UBOX5: variants seen among roughly 807,000 people sequenced by gnomAD.
UBOX5 encodes the protein RING finger protein 37.
A neutral mutation model predicts 39.0 loss-of-function variants in UBOX5; 28 were observed. The ratio of observed to expected loss-of-function variants is 0.72; its 90% confidence interval spans 0.53 to 0.98. The LOEUF (loss-of-function observed/expected upper bound fraction) is 0.98, where lower values mean the gene tolerates loss of function less well. Ranked by LOEUF, UBOX5 falls within the 50% of genes least tolerant of loss-of-function variation. The pLI is 0.00. For synonymous variants in UBOX5, 283 were observed against 275.5 expected (o/e 1.03, Z -0.27); for missense variants, 585 against 674.4 (o/e 0.87, Z 1.47).
Position 3,117,287 on chromosome 20 carries a change from G to GCACACA in UBOX5, c.1256-1827_1256-1822dup, listed in dbSNP as rs11468015. ...CATCAATGACACCTGACCAAAGATG[G>GCACACA]CACACACACACACACACACACACAC... On this transcript the variant is annotated intron_variant, in intron 3 of 4. Transcript: ENST00000217173. Among the ~76,000 whole-genome samples the GCACACA allele has an allele frequency of 1.5e-3, 223 of 147,514 alleles. 1 individual carries two copies. The highest frequency in any genetic ancestry group is 4.9e-3 in the African/African-American group (195 of 39,640).
intron 1 of UBOX5, 60 bp from the exon 2 acceptor site, chr20:3,123,466 A>C (rs962138984): frequency 7.9e-6 from 10 of 1,267,214 alleles, no homozygotes; most frequent in Non-Finnish European, 1.1e-5. Context: ...AAACTTTCAG[A>C]AGTTGATTCT....
chr20:3,139,427 T>C (rs1443671877), intron 1 of UBOX5, among the ~76,000 whole-genome samples: 1 of 152,182 alleles, frequency 6.6e-6, no homozygotes, highest in Non-Finnish European at 1.5e-5. Context: ...TTTGCTCTTG[T>C]TGCCCAGGCT....
intron 1 of UBOX5, chr20:3,151,651 AAAAT>A (rs1259618854): frequency 6.6e-6 from 1 of 151,760 alleles, no homozygotes; most frequent in Non-Finnish European, 1.5e-5. Context: ...ATAAATTAAA[AAAAT>A]AAAAAATTTT....
At chr20:3,152,145 A>G (rs1398572563) in intron 1 of UBOX5, among the ~76,000 whole-genome samples, 1 of 150,164 alleles carries the variant, frequency 6.7e-6, no homozygotes, top group East Asian at 2.0e-4. Flanking sequence ...CAGAGATAGC[A>G]GGTAACAGAA....
At chr20:3,124,468 C>T (rs1031710366) in intron 1 of UBOX5, among the ~76,000 whole-genome samples, 35 of 152,182 alleles carry the variant, frequency 2.3e-4, no homozygotes, top group Non-Finnish European at 3.4e-4. Context: ...GATCTCGGCT[C>T]GCTACAACCT....
chr20:3,149,457 C>A lies in UBOX5; in HGVS notation c.-42+10309G>T, dbSNP rs2066602813. Among the ~76,000 whole-genome samples, 1 of 152,106 alleles carries A rather than the reference C, an allele frequency of 6.6e-6. No individual in the cohort carries two copies. On this transcript the variant is annotated intron_variant, in intron 1 of 4. Coordinates refer to ENST00000217173, the MANE Select transcript of UBOX5 (RefSeq NM_014948.4). The surrounding 1 kb of genome is among the most constrained non-coding windows in gnomAD (Gnocchi z 4.1). ...GTAAAGGCCTAGGAAAACCCCCAAC[C>A]CAGGGTACCCGTGGGCAGTTCCTGG...
intron 3 of UBOX5, among the ~76,000 whole-genome samples, chr20:3,119,974 G>A (rs2066321456): frequency 6.6e-6 from 1 of 152,086 alleles, no homozygotes; most frequent in African/African-American, 2.4e-5. Flanking sequence ...GCTCACCTCA[G>A]GAGAGAGCAG....
At chr20:3,130,331 GC>G (rs1470633315) in intron 1 of UBOX5, among the ~76,000 whole-genome samples, 2 of 109,080 alleles carry the variant, frequency 1.8e-5, no homozygotes, top group Admixed American at 1.1e-4. Flanking sequence ...GGTTGTTTAT[GC>G]CTTTTTTTTT....
intron 1 of UBOX5, among the ~76,000 whole-genome samples, chr20:3,155,357 A>C (rs370526598): frequency 1.3e-5 from 2 of 152,100 alleles, no homozygotes; most frequent in African/African-American, 4.8e-5. Flanking sequence ...TGGCGAAACC[A>C]CGTCTCTCCT....
At chr20:3,113,415 C>T (rs1157195043) in intron 4 of UBOX5, among the ~76,000 whole-genome samples, 1 of 151,844 alleles carries the variant, frequency 6.6e-6, no homozygotes. Context: ...GAGGTTTTAT[C>T]CTAAGTTCAG....
In UBOX5 at chr20:3,149,012, G is replaced by A. The variant is rs1234915501; in HGVS notation, c.-42+10754C>T. Reference sequence around the variant, plus strand: ...CACACTTCGGACTGCACCAAAGGCAGAAGGACTGCAAAATGCTCGGTATCT... The same window carrying A: ...CACACTTCGGACTGCACCAAAGGCAAAAGGACTGCAAAATGCTCGGTATCT... On this transcript the variant is annotated intron_variant, in intron 1 of 4. Transcript: ENST00000217173. The surrounding 1 kb of genome is among the most constrained non-coding windows in gnomAD (Gnocchi z 4.1). 6.2e-7 allele frequency: 1 copy of A among 1,613,948 alleles called. No individual in the cohort carries two copies. Among genetic ancestry groups the A allele is most frequent in the Admixed American group, 1.7e-5 (1 of 59,956 alleles).
At chr20:3,147,504 T>C in intron 1 of UBOX5, 1 of 1,614,242 alleles carries the variant, frequency 6.2e-7, no homozygotes, top group Non-Finnish European at 8.5e-7. Context: ...GGACACTCAA[T>C]GCCAACTGTA....
Position 3,149,811 on chromosome 20 carries a change from A to G in UBOX5, c.-42+9955T>C, listed in dbSNP as rs1451996341. ...GGCAGGCAGATCACTTGAGGTCAGG[A>G]GTTCAAGACCAGCCTGGCCAACAAG... On this transcript the variant is annotated intron_variant, in intron 1 of 4. Coordinates refer to ENST00000217173, the MANE Select transcript of UBOX5 (RefSeq NM_014948.4). The surrounding 1 kb of genome is among the most constrained non-coding windows in gnomAD (Gnocchi z 4.1). Among the ~76,000 whole-genome samples, 1 of 152,150 alleles carries G rather than the reference A, an allele frequency of 6.6e-6. No homozygotes were observed. Among genetic ancestry groups the G allele is most frequent in the East Asian group, 1.9e-4 (1 of 5,192 alleles).
Position 3,141,107 on chromosome 20 carries a change from C to T in UBOX5, c.-41-17701G>A, listed in dbSNP as rs552132214. On this transcript the variant is annotated intron_variant, in intron 1 of 4. Coordinates refer to ENST00000217173, the MANE Select transcript of UBOX5 (RefSeq NM_014948.4). Reference sequence around the variant, plus strand: ...CTAATTTCTGTATTTTCAGTAGAGACGGGGTTTCAACATGTTGGACAGGCT... The same window carrying T: ...CTAATTTCTGTATTTTCAGTAGAGATGGGGTTTCAACATGTTGGACAGGCT... Among the ~76,000 whole-genome samples, 45 of 151,264 alleles carry T rather than the reference C, an allele frequency of 3.0e-4. No individual in the cohort carries two copies. The South Asian group carries it at 8.6e-3, about 29-fold the overall frequency.
At chr20:3,139,716 TTTTTA>T (rs1316763966) in intron 1 of UBOX5, among the ~76,000 whole-genome samples, 6 of 151,594 alleles carry the variant, frequency 4.0e-5, no homozygotes, top group Non-Finnish European at 8.8e-5. Context: ...ACCCAACCTA[TTTTTA>T]TTTTTTGAGA....
intron 1 of UBOX5, among the ~76,000 whole-genome samples, chr20:3,137,516 A>C (rs1321456889): frequency 6.6e-6 from 1 of 151,340 alleles, no homozygotes; most frequent in Non-Finnish European, 1.5e-5. Flanking sequence ...TGATCCACCC[A>C]CCTCAGCCTC....
chr20:3,123,057 A>C (rs1328772761), intron 2 of UBOX5, among the ~76,000 whole-genome samples: 1 of 152,168 alleles, frequency 6.6e-6, no homozygotes, highest in Non-Finnish European at 1.5e-5. Context: ...GAGACTGGAG[A>C]TTGATCATCA....
intron 3 of UBOX5, among the ~76,000 whole-genome samples, chr20:3,121,104 T>G (rs2066331604): frequency 6.6e-6 from 1 of 152,112 alleles, no homozygotes; most frequent in African/African-American, 2.4e-5. Context: ...AAGGCAACAG[T>G]GCCCATGGGA....
At chr20:3,151,557 G>A (rs2066625197) in intron 1 of UBOX5, among the ~76,000 whole-genome samples, 1 of 151,850 alleles carries the variant, frequency 6.6e-6, no homozygotes, top group Non-Finnish European at 1.5e-5. Context: ...GGAAGCTGAG[G>A]CAGAAGGATT....
Sources: allele counts gnomAD v4.1 joint callset (sites outside exome capture counted in the v4.1 genomes callset), GRCh38; gene constraint gnomAD v4.1.1; non-coding constraint Gnocchi (gnomAD v3.1); transcripts MANE v1.5; gene names NCBI Gene and HGNC (gene_info 2026-07-23, HGNC 2026-07-21).